FAR1: variants seen among roughly 807,000 people sequenced by gnomAD.
The protein encoded by FAR1 is male sterility domain-containing protein 2.
A neutral mutation model predicts 61.1 loss-of-function variants in FAR1; 22 were observed. The ratio of observed to expected loss-of-function variants is 0.36; its 90% confidence interval spans 0.26 to 0.51. The LOEUF is 0.51. Ranked by LOEUF, FAR1 falls within the 20% of genes least tolerant of loss-of-function variation. FAR1 has a pLI of 0.95. For missense variants in FAR1, 359 were observed against 626.9 expected (o/e 0.57, Z 4.56); for synonymous variants, 206 against 209.7 (o/e 0.98, Z 0.15).
At chr11:13,725,745 T>TA (rs1015282387) in intron 10 of FAR1, among the ~76,000 whole-genome samples, 15 of 152,130 alleles carry the variant, frequency 9.9e-5, no homozygotes, top group African/African-American at 3.4e-4. Flanking sequence ...AGATATGTCT[T>TA]TTGTAAGCAG....
intron 8 of FAR1, among the ~76,000 whole-genome samples, chr11:13,713,714 G>C (rs1848525790): frequency 6.6e-6 from 1 of 151,964 alleles, no homozygotes; most frequent in African/African-American, 2.4e-5. Context: ...GAACAATTTT[G>C]ATTTCAATGT....
intron 1 of FAR1, among the ~76,000 whole-genome samples, chr11:13,673,299 A>G (rs1343258575): frequency 3.3e-5 from 5 of 152,228 alleles, no homozygotes; most frequent in Non-Finnish European, 7.3e-5. Context: ...CTGAGAGGAA[A>G]CGATATTAAT....
rs1174742124 is a variant in FAR1, at chr11:13,728,939, C to G, written c.*165C>G. On this transcript the variant is annotated 3_prime_UTR_variant, in exon 12 of 12. Transcript: ENST00000354817. ...TATGTAACATTTTAATGTTTATGCTCATAAAACTTAGTGAACACACTGTGT... is the reference window on the plus strand; with the variant it reads ...TATGTAACATTTTAATGTTTATGCTGATAAAACTTAGTGAACACACTGTGT... 3.3e-6 allele frequency: 2 copies of G among 613,720 alleles called. No individual in the cohort carries two copies. The highest frequency in any genetic ancestry group is 5.4e-6 in the Non-Finnish European group (2 of 370,042). 38.0% of individuals were successfully genotyped at this position (613,720 alleles called of 1,614,324 possible).
intron 10 of FAR1, among the ~76,000 whole-genome samples, chr11:13,723,027 T>C (rs957022107): frequency 3.3e-5 from 5 of 152,074 alleles, no homozygotes; most frequent in Admixed American, 6.6e-5. Context: ...TTGTCTGATA[T>C]GTGTGTTGTT....
intron 7 of FAR1, among the ~76,000 whole-genome samples, chr11:13,712,307 C>G (rs1212587903): frequency 1.3e-5 from 2 of 150,198 alleles, no homozygotes; most frequent in African/African-American, 4.9e-5. Flanking sequence ...AAAAAAAATA[C>G]CCTCCCCTAA....
At chr11:13,672,025 T>C (rs2134164131) in intron 1 of FAR1, among the ~76,000 whole-genome samples, 1 of 152,246 alleles carries the variant, frequency 6.6e-6, no homozygotes, top group Middle Eastern at 3.4e-3. Context: ...AGCAACAAAG[T>C]ATATAGCTGA....
chr11:13,728,478 C>A, intron 11 of FAR1, 134 bp from the exon 12 acceptor site: 2 of 764,828 alleles, frequency 2.6e-6, no homozygotes, highest in African/African-American at 1.7e-5. Context: ...CTACAGTATA[C>A]TTAATGCCTA....
rs1848607603 is a variant in FAR1, at chr11:13,721,331, G to A, written c.1128-399G>A. On this transcript the variant is annotated intron_variant, in intron 9 of 11. Transcript: ENST00000354817. The surrounding 1 kb of genome is among the most constrained non-coding windows in gnomAD (Gnocchi z 4.2). ...TGTTATTAATTCACAGGAAATCTTA[G>A]CAAATGCAGCTGTGAATTAAAATGT... is the stretch of plus-strand genomic sequence containing the variant. The A allele has an allele frequency of 6.3e-6, 1 of 157,780 alleles. No homozygotes were observed. The highest frequency in any genetic ancestry group is 1.4e-5 in the Non-Finnish European group (1 of 72,044). The allele number at this position is 157,780 out of a possible 1,614,324, so 9.8% of individuals were successfully genotyped here. A position where few individuals can be genotyped will look rare whatever the true frequency, so the allele number is the denominator to read the frequency against.
chr11:13,702,211 CAT>C (rs761913826), intron 3 of FAR1, among the ~76,000 whole-genome samples: 8 of 152,024 alleles, frequency 5.3e-5, no homozygotes, highest in South Asian at 2.1e-4. Flanking sequence ...ATTTTCATAA[CAT>C]ATATGTGTAG....
chr11:13,684,226 A>C (rs547950901), intron 1 of FAR1, among the ~76,000 whole-genome samples: 1 of 152,356 alleles, frequency 6.6e-6, no homozygotes, highest in South Asian at 2.1e-4. Flanking sequence ...ATAAGTAACC[A>C]TCTAATGTTT....
Position 13,728,595 on chromosome 11 carries a change from C to T in FAR1, c.1386-17C>T. On this transcript the variant is annotated splice_polypyrimidine_tract_variant and intron_variant, in intron 11 of 11. Transcript: ENST00000354817. Reference sequence around the variant, plus strand: ...CTAGAAAATACTGTCTAACATATCTCTTGATTTGCTTTCCAGGTTGCGGAA... The same window carrying T: ...CTAGAAAATACTGTCTAACATATCTTTTGATTTGCTTTCCAGGTTGCGGAA... The T allele has an allele frequency of 6.2e-7, 1 of 1,606,130 alleles. No individual in the cohort carries two copies. Among genetic ancestry groups the T allele is most frequent in the East Asian group, 2.2e-5 (1 of 44,678 alleles).
chr11:13,698,569 G>T (rs958295311), intron 2 of FAR1, among the ~76,000 whole-genome samples: 1 of 152,072 alleles, frequency 6.6e-6, no homozygotes, highest in African/African-American at 2.4e-5. Flanking sequence ...GGTGGCTCAC[G>T]CCTATAATCC....
In FAR1 at chr11:13,731,265, A is replaced by C. The variant is rs1014878676; in HGVS notation, c.*2491A>C. ...AGCTTGGCAGTACGTTCTTTGACTT[A>C]AGGATGGCATAAAATAATCATTTTT... On this transcript the variant is annotated 3_prime_UTR_variant, in exon 12 of 12. Transcript: ENST00000354817. 1.3e-5 allele frequency: 2 copies of C among 152,606 alleles called. No individual in the cohort carries two copies. Among genetic ancestry groups the C allele is most frequent in the African/African-American group, 4.8e-5 (2 of 41,458 alleles). 9.5% of individuals were successfully genotyped at this position (152,606 alleles called of 1,614,324 possible). A position where few individuals can be genotyped will look rare whatever the true frequency, so the allele number is the denominator to read the frequency against.
intron 9 of FAR1, among the ~76,000 whole-genome samples, chr11:13,716,839 C>T (rs1010456886): frequency 1.3e-5 from 2 of 152,036 alleles, no homozygotes; most frequent in African/African-American, 4.8e-5. Flanking sequence ...GTGTGCACAA[C>T]GTGCAGATTT....
chr11:13,678,775 T>G (rs1026142068), intron 1 of FAR1, among the ~76,000 whole-genome samples: 1 of 152,176 alleles, frequency 6.6e-6, no homozygotes, highest in Non-Finnish European at 1.5e-5. Flanking sequence ...TATGCTAATA[T>G]ACATCTTTAA....
chr11:13,727,207 A>C (rs1380301013), intron 10 of FAR1, among the ~76,000 whole-genome samples: 1 of 152,028 alleles, frequency 6.6e-6, no homozygotes, highest in East Asian at 1.9e-4. Flanking sequence ...ACGTGCATAA[A>C]GTAGTGAGGA....
intron 10 of FAR1, among the ~76,000 whole-genome samples, chr11:13,724,603 A>T (rs887343095): frequency 6.7e-6 from 1 of 150,134 alleles, no homozygotes; most frequent in Non-Finnish European, 1.5e-5. Flanking sequence ...GTTTCTCAAG[A>T]GTTTCTTTTT....
intron 10 of FAR1, among the ~76,000 whole-genome samples, chr11:13,722,858 C>CTCTCTCTCTATATA (rs905924337): frequency 2.0e-5 from 3 of 147,872 alleles, no homozygotes; most frequent in East Asian, 2.0e-4. Context: ...CTCTCTCTCT[C>CTCTCTCTCTATATA]TATATATATA....
intron 1 of FAR1, among the ~76,000 whole-genome samples, chr11:13,693,947 T>G (rs1848282339): frequency 6.6e-6 from 1 of 152,186 alleles, no homozygotes; most frequent in Non-Finnish European, 1.5e-5. Context: ...AGCTCCTTAT[T>G]CTCTCTCTGG....
Sources: allele counts gnomAD v4.1 joint callset (sites outside exome capture counted in the v4.1 genomes callset), GRCh38; gene constraint gnomAD v4.1.1; non-coding constraint Gnocchi (gnomAD v3.1); transcripts MANE v1.5; gene names NCBI Gene and HGNC (gene_info 2026-07-23, HGNC 2026-07-21).